Variants in SYPL1 observed in about 807,000 individuals in gnomAD.
SYPL1 encodes the protein synaptophysin like 1.
SYPL1 carries 6 observed loss-of-function variants against 23.7 expected under a neutral mutation model. That is an observed-to-expected ratio of 0.25 (90% CI 0.14 to 0.50). SYPL1 has a LOEUF of 0.50. Among genes scored for constraint, SYPL1 ranks in the 20% least tolerant of loss-of-function variants. The pLI is 0.98. For synonymous variants in SYPL1, 102 were observed against 104.5 expected, an observed-to-expected ratio of 0.98 and a Z score of 0.15; for missense variants, 253 against 288.9, an observed-to-expected ratio of 0.88 and a Z score of 0.90.
chr7:106,092,002 T>A, intron 4 of SYPL1, 63 bp from the exon 5 acceptor site: 1 of 1,480,676 alleles, frequency 6.8e-7, no homozygotes, highest in South Asian at 1.3e-5. Context: ...ATGCCCTACT[T>A]AAAAATCTCA....
upstream of SYPL1, chr7:106,112,484 C>T: frequency 6.6e-7 from 1 of 1,520,186 alleles, no homozygotes; most frequent in Non-Finnish European, 8.8e-7. Flanking sequence ...CGCACCTGGC[C>T]GAGTCGACTG....
rs1204950787 is a variant in SYPL1, at chr7:106,091,982, AT to A, written c.592-44del. 43 of 1,556,192 alleles carry A rather than the reference AT, an allele frequency of 2.8e-5. No individual in the cohort carries two copies. Among genetic ancestry groups the A allele is most frequent in the Non-Finnish European group, 3.6e-5 (42 of 1,151,968 alleles). On this transcript the variant is annotated intron_variant, in intron 4 of 4. Transcript: ENST00000455385. This position sits in a 1 kb window ranked among gnomAD's most constrained non-coding sequence, Gnocchi z 5.0. ...AAATATGAAAATCAAATACCTACTTATAAAAATTCATGCCCTACTTAAAAAT... is the reference window on the plus strand; with the variant it reads ...AAATATGAAAATCAAATACCTACTTAAAAAATTCATGCCCTACTTAAAAAT...
chr7:106,091,761 C>G lies in SYPL1; in HGVS notation c.*44G>C. ...GCTTCTCAAGGTGTTGGCAACATGTCATAGTATCAACATATACTTCATACA... is the reference window on the plus strand; with the variant it reads ...GCTTCTCAAGGTGTTGGCAACATGTGATAGTATCAACATATACTTCATACA... On this transcript the variant is annotated 3_prime_UTR_variant, in exon 5 of 5. Transcript: ENST00000455385. This position sits in a 1 kb window ranked among gnomAD's most constrained non-coding sequence, Gnocchi z 5.0. 6.4e-7 allele frequency: 1 copy of G among 1,563,204 alleles called. No individual in the cohort carries two copies. Among genetic ancestry groups the G allele is most frequent in the African/African-American group, 1.4e-5 (1 of 72,998 alleles).
At chr7:106,094,463 C>A (rs1378320345) in intron 3 of SYPL1, among the ~76,000 whole-genome samples, 2 of 152,182 alleles carry the variant, frequency 1.3e-5, no homozygotes, top group Non-Finnish European at 2.9e-5. Flanking sequence ...GAAGTACATG[C>A]ATTTTGTATC....
At chr7:106,101,228 T>C (rs778331673) in intron 1 of SYPL1, among the ~76,000 whole-genome samples, 1 of 152,196 alleles carries the variant, frequency 6.6e-6, no homozygotes, top group Non-Finnish European at 1.5e-5. Context: ...TTCCCTAGAA[T>C]AGAAACTTGA....
rs1215238835 is a variant in SYPL1, at chr7:106,096,823, C to T, written c.402+867G>A. 2.6e-5 allele frequency among the ~76,000 whole-genome samples: 4 copies of T among 152,174 alleles called. No homozygotes were observed. Among genetic ancestry groups the T allele is most frequent in the African/African-American group, 4.8e-5 (2 of 41,446 alleles). ...GGGCCAAATAGCAACTATTTTTTAT[C>T]TCTGTTACAACTACTCAACTTTACC... is the stretch of plus-strand genomic sequence containing the variant. On this transcript the variant is annotated intron_variant, in intron 3 of 4. Transcript: ENST00000455385. The surrounding 1 kb of genome is among the most constrained non-coding windows in gnomAD (Gnocchi z 4.4).
Position 106,093,046 on chromosome 7 carries a change from C to T in SYPL1, c.494G>A (p.Gly165Asp), listed in dbSNP as rs755566166. ...CGGAAGTTCATCAATAATATTGTGACCAGTAGCTATTTTAATATCTGTCAG... is the reference window on the plus strand; with the variant it reads ...CGGAAGTTCATCAATAATATTGTGATCAGTAGCTATTTTAATATCTGTCAG... The part of the protein sequence containing the change: ...KALTDIKIAT[G>D]HNIIDELPPC... Residue 165 changes from glycine to aspartate, a missense_variant, in exon 4 of 5, where the codon GGT (glycine) becomes GAT (aspartate). By Grantham distance (94) the Gly-to-Asp change is moderately conservative. Coordinates refer to ENST00000455385, the MANE Select transcript of SYPL1 (RefSeq NM_182715.4). 8 of 1,613,698 alleles carry T rather than the reference C, an allele frequency of 5.0e-6. No individual in the cohort carries two copies. In the African/African-American group the frequency reaches 1.1e-4, roughly 22 times the overall value.
Position 106,109,629 on chromosome 7 carries a change from A to T in SYPL1, c.69+2511T>A, listed in dbSNP as rs935637834. On this transcript the variant is annotated intron_variant, in intron 1 of 4. Transcript: ENST00000455385. This position sits in a 1 kb window ranked among gnomAD's most constrained non-coding sequence, Gnocchi z 4.3. ...GGATACCTCCAAAAGATCTAAAGAG[A>T]CCACAAACTCAATACATCTGAAACC... is the stretch of plus-strand genomic sequence containing the variant. Among the ~76,000 whole-genome samples, 1 of 152,296 alleles carries T rather than the reference A, an allele frequency of 6.6e-6. No individual in the cohort carries two copies. The highest frequency in any genetic ancestry group is 1.5e-5 in the Non-Finnish European group (1 of 68,028).
chr7:106,092,095 G>A (rs1008400969), intron 4 of SYPL1, among the ~76,000 whole-genome samples, 156 bp from the exon 5 acceptor site: 4 of 152,076 alleles, frequency 2.6e-5, no homozygotes, highest in Non-Finnish European at 5.9e-5. Flanking sequence ...TGAGAAATAA[G>A]GAAGACTACA....
intron 3 of SYPL1, among the ~76,000 whole-genome samples, chr7:106,094,317 A>C (rs1244136477): frequency 1.3e-5 from 2 of 152,228 alleles, no homozygotes; most frequent in Non-Finnish European, 2.9e-5. Flanking sequence ...TACCAACCTA[A>C]TATTTAGGAT....
At chr7:106,110,077 A>G (rs1302302095) in intron 1 of SYPL1, among the ~76,000 whole-genome samples, 1 of 152,138 alleles carries the variant, frequency 6.6e-6, no homozygotes, top group African/African-American at 2.4e-5. Flanking sequence ...TGAATGGAAT[A>G]AACACTCCAA....
Position 106,097,560 on chromosome 7 carries a change from C to A in SYPL1, c.402+130G>T. 6.7e-6 allele frequency: 5 copies of A among 751,832 alleles called. No individual in the cohort carries two copies. Among genetic ancestry groups the A allele is most frequent in the Non-Finnish European group, 9.9e-6 (5 of 503,312 alleles). 46.6% of individuals were successfully genotyped at this position (751,832 alleles called of 1,614,324 possible). Reference sequence around the variant, plus strand: ...TTAAACTTAATGGGAGAAAGCTCAACCTCGTGGCAAACACAGGCTAAAATA... The same window carrying A: ...TTAAACTTAATGGGAGAAAGCTCAAACTCGTGGCAAACACAGGCTAAAATA... On this transcript the variant is annotated intron_variant, in intron 3 of 4. Coordinates refer to ENST00000455385, the MANE Select transcript of SYPL1 (RefSeq NM_182715.4). The surrounding 1 kb of genome is among the most constrained non-coding windows in gnomAD (Gnocchi z 4.6).
rs1054881474 is a variant in SYPL1 at position 106,097,761 on chromosome 7, A to C, written c.331T>G (p.Cys111Gly). 6 of 1,614,104 alleles carry C rather than the reference A, an allele frequency of 3.7e-6. No individual in the cohort carries two copies. Among genetic ancestry groups the C allele is most frequent in the Non-Finnish European group, 5.1e-6 (6 of 1,179,970 alleles). The stretch of plus-strand genomic sequence containing the variant: ...ACATAAAGCAGAAGGGCAGCAATGC[A>C]GTACAGGAACACAAAGACTGCAAAG... The part of the protein sequence containing the change: ...VTFAVFVFLY[C>G]IAALLLYVGY... The change falls in exon 3 of 5, where the codon TGC (cysteine) becomes GGC (glycine). Residue 111 changes from cysteine (C) to glycine (G), a missense_variant. Transcript: ENST00000455385. This position sits in a 1 kb window ranked among gnomAD's most constrained non-coding sequence, Gnocchi z 4.6.
chr7:106,111,265 G>A (rs1041243572), intron 1 of SYPL1, among the ~76,000 whole-genome samples: 1 of 152,288 alleles, frequency 6.6e-6, no homozygotes, highest in African/African-American at 2.4e-5. Flanking sequence ...AAGGAAAAGG[G>A]CGAAAAAGCT....
chr7:106,099,150 T>A lies in SYPL1; in HGVS notation c.194+8A>T, dbSNP rs747784700. ...AGTTGTGAAACCATTAAAATAAATA[T>A]AACTCACCTGAATGGATAACCAAAA... is the stretch of plus-strand genomic sequence containing the variant. On this transcript the variant is annotated splice_region_variant and intron_variant, in intron 2 of 4. Transcript: ENST00000455385. 2.5e-6 allele frequency: 4 copies of A among 1,600,796 alleles called. No individual in the cohort carries two copies. The highest frequency in any genetic ancestry group is 2.5e-6 in the Non-Finnish European group (3 of 1,176,706).
At chr7:106,112,470 A>C (rs1790223581), upstream of SYPL1, 1 of 1,504,534 alleles carries the variant, frequency 6.6e-7, no homozygotes, top group Non-Finnish European at 8.8e-7. Context: ...GCTTCTCCTC[A>C]GGCCGCACCT....
intron 3 of SYPL1, among the ~76,000 whole-genome samples, chr7:106,094,110 T>C (rs1191768180): frequency 2.6e-5 from 4 of 152,218 alleles, no homozygotes; most frequent in African/African-American, 4.8e-5. Flanking sequence ...ATAGGAGCTC[T>C]TACATATCTG....
chr7:106,112,383 G>C, upstream of SYPL1: 2 of 1,314,636 alleles, frequency 1.5e-6, no homozygotes, highest in Non-Finnish European at 1.9e-6. Flanking sequence ...CGGTTGAGCT[G>C]CTGGCTGAGA....
chr7:106,101,940 C>T (rs896846669), intron 1 of SYPL1, among the ~76,000 whole-genome samples: 2 of 152,084 alleles, frequency 1.3e-5, no homozygotes, highest in Admixed American at 1.3e-4. Context: ...GATATGCCCA[C>T]AAACTCTTTG....
Sources: gnomAD v4.1 joint callset for allele counts (sites outside exome capture counted in the v4.1 genomes callset) on GRCh38, gnomAD v4.1.1 for gene constraint, Gnocchi (gnomAD v3.1) non-coding constraint, MANE v1.5 for transcripts, NCBI Gene and HGNC (gene_info 2026-07-23, HGNC 2026-07-21) for gene names.